Variants in SRGAP2B observed in about 807,000 individuals in gnomAD.
SRGAP2B encodes the protein SLIT-ROBO Rho GTPase activating protein 2B.
A neutral mutation model predicts 22.2 loss-of-function variants in SRGAP2B; 9 were observed. That is an observed-to-expected ratio of 0.41 (90% CI 0.24 to 0.71). The LOEUF (loss-of-function observed/expected upper bound fraction) is 0.71. Among genes scored for constraint, SRGAP2B ranks in the 30% least tolerant of loss-of-function variants. The pLI, the probability that SRGAP2B is intolerant of heterozygous loss-of-function variation, is 0.35. For synonymous variants in SRGAP2B, 36 were observed against 87.4 expected, an observed-to-expected ratio of 0.41 and a Z score of 3.28; for missense variants, 114 against 235.8, an observed-to-expected ratio of 0.48 and a Z score of 3.38.
At chr1:145,015,461 C>G (rs1318757366) in intron 2 of SRGAP2B, among the ~76,000 whole-genome samples, 2 of 110,820 alleles carry the variant, frequency 1.8e-5, no homozygotes, top group African/African-American at 3.9e-5. Flanking sequence ...TTTAAACCAG[C>G]TTCTTGGGCC....
intron 2 of SRGAP2B, among the ~76,000 whole-genome samples, chr1:145,084,249 T>C (rs1246248283): frequency 2.1e-5 from 3 of 141,766 alleles, no homozygotes; most frequent in African/African-American, 8.1e-5. Context: ...AATTCTACAT[T>C]GTAAGTAGAG....
At chr1:144,958,244 G>C (rs587716335) in intron 3 of SRGAP2B, among the ~76,000 whole-genome samples, 2 of 151,244 alleles carry the variant, frequency 1.3e-5, no homozygotes, top group Non-Finnish European at 2.9e-5. Flanking sequence ...AGGATGCAGA[G>C]CACATATCCC....
chr1:145,082,076 AC>A, intron 2 of SRGAP2B, among the ~76,000 whole-genome samples: 3 of 144,608 alleles, frequency 2.1e-5, no homozygotes, highest in African/African-American at 8.2e-5. Flanking sequence ...AAACAAACAA[AC>A]AAACAAAAAA....
intron 3 of SRGAP2B, among the ~76,000 whole-genome samples, chr1:144,994,649 CT>C (rs1193389684): frequency 6.9e-6 from 1 of 145,314 alleles, no homozygotes; most frequent in Non-Finnish European, 1.5e-5. Context: ...GCCCCTTAAC[CT>C]TTTTATGCCT....
At chr1:145,002,574 A>G (rs1298113882) in intron 2 of SRGAP2B, among the ~76,000 whole-genome samples, 1 of 146,660 alleles carries the variant, frequency 6.8e-6, no homozygotes, top group Non-Finnish European at 1.5e-5. Context: ...AATAAAATAA[A>G]AGATATATAA....
intron 2 of SRGAP2B, among the ~76,000 whole-genome samples, chr1:144,996,070 G>A (rs1670653404): frequency 6.6e-6 from 1 of 151,092 alleles, no homozygotes; most frequent in Non-Finnish European, 1.5e-5. Flanking sequence ...TCCTTGTATG[G>A]AGCTAGCAAA....
At chr1:144,933,449 A>C (rs1443481082) in intron 4 of SRGAP2B, among the ~76,000 whole-genome samples, 4 of 144,672 alleles carry the variant, frequency 2.8e-5, no homozygotes, top group Non-Finnish European at 4.5e-5. Flanking sequence ...CAAAAAGCTC[A>C]ACTCCCTATC....
At chr1:145,008,097 C>T (rs587617176) in intron 2 of SRGAP2B, among the ~76,000 whole-genome samples, 2 of 102,262 alleles carry the variant, frequency 2.0e-5, no homozygotes, top group Admixed American at 1.1e-4. Context: ...CCACCGTGCC[C>T]GACTTATATA....
chr1:144,902,671 A>C (rs1662720197), intron 7 of SRGAP2B, among the ~76,000 whole-genome samples: 1 of 144,562 alleles, frequency 6.9e-6, no homozygotes. Context: ...CTGAGGCAGG[A>C]GAATGGCGTG....
At chr1:144,995,167 C>A in exon 3 of SRGAP2B, 1 of 932,258 alleles carries the variant, frequency 1.1e-6, no homozygotes, top group African/African-American at 2.0e-5. Flanking sequence ...CTGGTCCAGG[C>A]ATTTCATCTG....
chr1:144,954,534 T>C (rs1667119650), intron 4 of SRGAP2B, among the ~76,000 whole-genome samples: 1 of 150,604 alleles, frequency 6.6e-6, no homozygotes, highest in Non-Finnish European at 1.5e-5. Context: ...TGGAAAGTCT[T>C]CCGGGGATGT....
At chr1:144,998,942 G>A (rs1553619066) in intron 2 of SRGAP2B, among the ~76,000 whole-genome samples, 1 of 150,904 alleles carries the variant, frequency 6.6e-6, no homozygotes, top group Non-Finnish European at 1.5e-5. Context: ...AGCACTCCTG[G>A]GCCATGTGCC....
At chr1:145,021,815 A>G (rs1365124907) in intron 2 of SRGAP2B, among the ~76,000 whole-genome samples, 36 of 119,228 alleles carry the variant, frequency 3.0e-4, no homozygotes, top group Non-Finnish European at 1.2e-4. Flanking sequence ...ACTCCGTCTC[A>G]AAAAAAAAAA....
intron 2 of SRGAP2B, among the ~76,000 whole-genome samples, chr1:144,997,181 C>T (rs1553618572): frequency 6.6e-6 from 1 of 150,556 alleles, no homozygotes; most frequent in Non-Finnish European, 1.5e-5. Context: ...GTAATCCCAG[C>T]ACTTTGGGAG....
chr1:144,941,485 G>A, intron 4 of SRGAP2B, among the ~76,000 whole-genome samples: 1 of 147,360 alleles, frequency 6.8e-6, no homozygotes, highest in South Asian at 2.1e-4. Context: ...GATTTGTAGA[G>A]AACAGAGAAA....
At chr1:145,069,992 T>C (rs1445260378) in intron 2 of SRGAP2B, among the ~76,000 whole-genome samples, 2 of 149,406 alleles carry the variant, frequency 1.3e-5, no homozygotes, top group African/African-American at 4.9e-5. Context: ...AGATAAGAGA[T>C]TGGAAAATGG....
chr1:144,908,239 A>T (rs1265977629), intron 5 of SRGAP2B, among the ~76,000 whole-genome samples: 1 of 150,260 alleles, frequency 6.7e-6, no homozygotes, highest in Non-Finnish European at 1.5e-5. Flanking sequence ...TTCCTATTTC[A>T]TGAAGGTGCA....
intron 2 of SRGAP2B, among the ~76,000 whole-genome samples, chr1:145,027,037 A>T (rs1571044128): frequency 1.3e-4 from 7 of 52,102 alleles, no homozygotes; most frequent in East Asian, 5.9e-4. Flanking sequence ...TTTTTTTTTG[A>T]GATGGAGTCT....
At chr1:144,986,906 T>C (rs1427326840) in intron 3 of SRGAP2B, among the ~76,000 whole-genome samples, 1 of 151,104 alleles carries the variant, frequency 6.6e-6, no homozygotes, top group East Asian at 1.9e-4. Flanking sequence ...CCATCAGCCT[T>C]TGTTCTCACT....
Sources: allele counts gnomAD v4.1 joint callset (sites outside exome capture counted in the v4.1 genomes callset), GRCh38; gene constraint gnomAD v4.1.1; transcripts MANE v1.5; gene names NCBI Gene and HGNC (gene_info 2026-07-23, HGNC 2026-07-21).